Variants in SORCS2 observed in about 807,000 individuals in gnomAD.
The protein encoded by SORCS2 is VPS10 domain-containing receptor SorCS2.
In SORCS2, 100 loss-of-function variants were observed where a neutral mutation model predicts 141.6. That is an observed-to-expected ratio of 0.71 (90% CI 0.60 to 0.83). The LOEUF is 0.83. Among genes scored for constraint, SORCS2 ranks in the 40% least tolerant of loss-of-function variants. The pLI is 0.00. For missense variants in SORCS2, 1,646 were observed against 1,560.2 expected, an observed-to-expected ratio of 1.05 and a Z score of -0.93; for synonymous variants, 789 against 676.9, an observed-to-expected ratio of 1.17 and a Z score of -2.57.
At chr4:7,582,178 G>A (rs1024689757) in intron 3 of SORCS2, among the ~76,000 whole-genome samples, 2 of 152,176 alleles carry the variant, frequency 1.3e-5, no homozygotes, top group Non-Finnish European at 2.9e-5. Context: ...AAATGAAGGC[G>A]TTATTATTCC....
intron 3 of SORCS2, among the ~76,000 whole-genome samples, chr4:7,587,579 A>G (rs1465775515): frequency 6.6e-6 from 1 of 152,210 alleles, no homozygotes; most frequent in African/African-American, 2.4e-5. Context: ...TGGTAGCAGA[A>G]AGGCCCATGG....
chr4:7,331,631 A>G (rs974899838), intron 1 of SORCS2, among the ~76,000 whole-genome samples: 1 of 152,136 alleles, frequency 6.6e-6, no homozygotes, highest in African/African-American at 2.4e-5. Flanking sequence ...AGCAGGTCTG[A>G]GACTCCTGTC....
intron 2 of SORCS2, among the ~76,000 whole-genome samples, chr4:7,513,526 C>T (rs1732792142): frequency 6.6e-6 from 1 of 152,242 alleles, no homozygotes; most frequent in African/African-American, 2.4e-5. Context: ...GGTTGGTCCA[C>T]AGCCTGGGTG....
intron 3 of SORCS2, among the ~76,000 whole-genome samples, chr4:7,550,548 G>T (rs771901857): frequency 6.6e-6 from 1 of 152,212 alleles, no homozygotes; most frequent in Non-Finnish European, 1.5e-5. Context: ...TTGAAAACAG[G>T]TGTGTCTGGG....
chr4:7,463,510 G>T (rs1490418019), intron 2 of SORCS2, among the ~76,000 whole-genome samples: 2 of 152,160 alleles, frequency 1.3e-5, no homozygotes, highest in African/African-American at 4.8e-5. Context: ...GGGTGGGGGC[G>T]CAGAAGCTCT....
At chr4:7,420,951 G>C (rs1257349717) in intron 2 of SORCS2, among the ~76,000 whole-genome samples, 1 of 152,182 alleles carries the variant, frequency 6.6e-6, no homozygotes, top group Non-Finnish European at 1.5e-5. Context: ...GGGACAGCAG[G>C]GTGCCCAGTG....
chr4:7,605,909 C>G (rs560733515), intron 3 of SORCS2, among the ~76,000 whole-genome samples: 1 of 152,264 alleles, frequency 6.6e-6, no homozygotes, highest in African/African-American at 2.4e-5. Flanking sequence ...AGACAGTCCC[C>G]CAGGTGGTGG....
intron 1 of SORCS2, among the ~76,000 whole-genome samples, chr4:7,366,604 G>T (rs1721914892): frequency 6.6e-6 from 1 of 150,954 alleles, no homozygotes; most frequent in Non-Finnish European, 1.5e-5. Flanking sequence ...AGTTCCATCT[G>T]CCTGGAACCT....
chr4:7,559,201 A>T (rs1207856431), intron 3 of SORCS2, among the ~76,000 whole-genome samples: 1 of 152,078 alleles, frequency 6.6e-6, no homozygotes, highest in Admixed American at 6.5e-5. Context: ...CCCCCCTCCA[A>T]GAGGGCTGTG....
chr4:7,254,805 T>C (rs1313539888), intron 1 of SORCS2, among the ~76,000 whole-genome samples: 1 of 152,032 alleles, frequency 6.6e-6, no homozygotes, highest in Non-Finnish European at 1.5e-5. Context: ...CTAATAACAG[T>C]GACTGTGCAG....
intron 3 of SORCS2, among the ~76,000 whole-genome samples, chr4:7,550,843 C>T (rs1421556817): frequency 6.6e-6 from 1 of 152,190 alleles, no homozygotes; most frequent in Non-Finnish European, 1.5e-5. Context: ...AACAAAGTGT[C>T]CAAGTCTCTG....
intron 2 of SORCS2, among the ~76,000 whole-genome samples, chr4:7,518,345 C>A (rs114079039): frequency 0.014 from 2,107 of 152,274 alleles, 54 homozygotes; most frequent in African/African-American, 0.048. Flanking sequence ...GGCTCACACG[C>A]ACCCTCTTTG....
intron 2 of SORCS2, among the ~76,000 whole-genome samples, chr4:7,397,261 T>C (rs1724275063): frequency 6.6e-6 from 1 of 152,142 alleles, no homozygotes; most frequent in East Asian, 1.9e-4. Context: ...ACGGAGGGAT[T>C]TCTGCAATGC....
chr4:7,219,183 T>TGTGTGTGTGTGTGTGTGC (rs1728551606), intron 1 of SORCS2, among the ~76,000 whole-genome samples: 1 of 152,088 alleles, frequency 6.6e-6, no homozygotes, highest in African/African-American at 2.4e-5. Context: ...TGTGTGTGTG[T>TGTGTGTGTGTGTGTGTGC]GTGTCTGTTC....
At chr4:7,300,528 G>A (rs531089247) in intron 1 of SORCS2, among the ~76,000 whole-genome samples, 22 of 152,128 alleles carry the variant, frequency 1.4e-4, no homozygotes, top group Admixed American at 5.9e-4. Flanking sequence ...ATGAGTCCCC[G>A]CCACCACGGC....
intron 26 of SORCS2, among the ~76,000 whole-genome samples, chr4:7,737,763 T>C (rs1319597687): frequency 6.6e-6 from 1 of 152,214 alleles, no homozygotes; most frequent in Non-Finnish European, 1.5e-5. Flanking sequence ...CCGTTTTCTC[T>C]TCTGGTGTCT....
intron 2 of SORCS2, among the ~76,000 whole-genome samples, chr4:7,519,197 T>C (rs1019455713): frequency 1.3e-5 from 2 of 152,112 alleles, no homozygotes; most frequent in Non-Finnish European, 2.9e-5. Context: ...GCCGGGAGCA[T>C]GACCAGGGAG....
chr4:7,470,353 C>T (rs1311163843), intron 2 of SORCS2, among the ~76,000 whole-genome samples: 2 of 151,608 alleles, frequency 1.3e-5, no homozygotes, highest in Non-Finnish European at 1.5e-5. Context: ...TCTCACTTAT[C>T]GATCCATCCA....
At chr4:7,436,862 G>C (rs1727338289) in intron 2 of SORCS2, among the ~76,000 whole-genome samples, 2 of 152,210 alleles carry the variant, frequency 1.3e-5, no homozygotes, top group Admixed American at 1.3e-4. Flanking sequence ...TCCCTTCTCT[G>C]CTGGGTCTTA....
Sources: allele counts gnomAD v4.1 joint callset (sites outside exome capture counted in the v4.1 genomes callset), GRCh38; gene constraint gnomAD v4.1.1; transcripts MANE v1.5; gene names NCBI Gene and HGNC (gene_info 2026-07-23, HGNC 2026-07-21).